Variants in BABAM2 observed in about 807,000 individuals in gnomAD.
The protein encoded by BABAM2 is BRISC and BRCA1-A complex member 2.
In BABAM2, 31 loss-of-function variants were observed where a neutral mutation model predicts 54.7. The ratio of observed to expected loss-of-function variants is 0.57; its 90% CI spans 0.43 to 0.77. BABAM2 has a LOEUF of 0.77. Among genes scored for constraint, BABAM2 ranks in the 30% least tolerant of loss-of-function variants. BABAM2 has a pLI of 0.00. For synonymous variants in BABAM2, 167 were observed against 162.9 expected (o/e 1.03, Z -0.19); for missense variants, 364 against 455.8 (o/e 0.80, Z 1.83).
intron 11 of BABAM2, among the ~76,000 whole-genome samples, chr2:28,301,297 C>G (rs1688090963): frequency 6.6e-6 from 1 of 152,216 alleles, no homozygotes; most frequent in African/African-American, 2.4e-5. Flanking sequence ...AGGACACTTC[C>G]TGGCACTGAC....
At chr2:28,101,651 TG>T (rs1307483327) in intron 6 of BABAM2, among the ~76,000 whole-genome samples, 1 of 152,194 alleles carries the variant, frequency 6.6e-6, no homozygotes. Context: ...GCCATACAGT[TG>T]TGTTGATTTT....
At chr2:28,017,882 G>T (rs940120411) in intron 4 of BABAM2, among the ~76,000 whole-genome samples, 6 of 152,210 alleles carry the variant, frequency 3.9e-5, no homozygotes, top group African/African-American at 1.4e-4. Context: ...TTGTATGTGT[G>T]TACACATTGT....
intron 3 of BABAM2, among the ~76,000 whole-genome samples, chr2:27,984,822 T>C (rs1354614954): frequency 6.6e-6 from 1 of 151,886 alleles, no homozygotes; most frequent in East Asian, 1.9e-4. Context: ...GTACTCAGTG[T>C]GTAGTCTTTT....
intron 4 of BABAM2, among the ~76,000 whole-genome samples, chr2:28,012,662 G>A (rs182339339): frequency 3.9e-5 from 6 of 152,260 alleles, no homozygotes; most frequent in African/African-American, 1.4e-4. Context: ...AATAATTTCA[G>A]TGTTCTTGGC....
chr2:28,248,460 C>A (rs1008175028), intron 10 of BABAM2, among the ~76,000 whole-genome samples: 1 of 152,062 alleles, frequency 6.6e-6, no homozygotes, highest in African/African-American at 2.4e-5. Context: ...CCACCTGCCT[C>A]AGCTTCCCAA....
At chr2:28,282,997 CAAAAAAAAAAA>C (rs370484850) in intron 10 of BABAM2, among the ~76,000 whole-genome samples, 4 of 71,940 alleles carry the variant, frequency 5.6e-5, no homozygotes, top group Non-Finnish European at 7.3e-5. Context: ...GACTCCGTCC[CAAAAAAAAAAA>C]AAAAAAAAAA....
chr2:28,114,691 G>A (rs1181582950), intron 6 of BABAM2, among the ~76,000 whole-genome samples: 1 of 152,128 alleles, frequency 6.6e-6, no homozygotes, highest in Non-Finnish European at 1.5e-5. Flanking sequence ...TCTAGTTTTA[G>A]GAGATCCGAT....
In BABAM2 at chr2:27,968,116, A is replaced by G. The variant is rs866848229; in HGVS notation, c.206-19877A>G. Among the ~76,000 whole-genome samples, 6 of 152,352 alleles carry G rather than the reference A, an allele frequency of 3.9e-5. 1 individual carries two copies. Among genetic ancestry groups the G allele is most frequent in the Middle Eastern group, 6.8e-3 (2 of 294 alleles). ...TCAAGACAGTAGGGAAAATGTCTCC[A>G]GGGCAGGTCAGAGGTCTTTACAGCA... On this transcript the variant is annotated intron_variant, in intron 3 of 11. Transcript: ENST00000379624.
At chr2:28,112,222 C>T (rs1410858514) in intron 6 of BABAM2, among the ~76,000 whole-genome samples, 96 of 122,830 alleles carry the variant, frequency 7.8e-4, no homozygotes, top group East Asian at 1.6e-3. Flanking sequence ...TTCCTTCCTT[C>T]CTTCCTTTAA....
At chr2:28,000,907 A>G (rs961794090) in intron 4 of BABAM2, among the ~76,000 whole-genome samples, 1 of 151,508 alleles carries the variant, frequency 6.6e-6, no homozygotes, top group African/African-American at 2.4e-5. Flanking sequence ...TTTTTGTGGC[A>G]TTTTCTTACT....
rs149107795 is a variant in BABAM2, at chr2:28,011,174, C to T, written c.301-14052C>T. Among the ~76,000 whole-genome samples the T allele has an allele frequency of 1.5e-3, 225 of 152,140 alleles. 5 individuals carry two copies. In the South Asian group the frequency reaches 0.04, roughly 27 times the overall value. Reference sequence around the variant, plus strand: ...CAGCAAGAGGGGAATGGATGTTGGACGTGAAACAATGGATGTTTACTAAAT... The same window carrying T: ...CAGCAAGAGGGGAATGGATGTTGGATGTGAAACAATGGATGTTTACTAAAT... On this transcript the variant is annotated intron_variant, in intron 4 of 11. Coordinates refer to ENST00000379624, the MANE Select transcript of BABAM2 (RefSeq NM_199191.3).
chr2:27,987,972 T>C, intron 3 of BABAM2, 21 bp from the exon 4 acceptor site: 1 of 1,567,056 alleles, frequency 6.4e-7, no homozygotes, highest in Non-Finnish European at 8.8e-7. Flanking sequence ...AAAAAGGACC[T>C]GTCATTTTCT....
intron 6 of BABAM2, among the ~76,000 whole-genome samples, chr2:28,070,705 C>T (rs1250817327): frequency 1.3e-5 from 2 of 152,136 alleles, no homozygotes; most frequent in African/African-American, 2.4e-5. Context: ...TCAATCTTAA[C>T]TTGTCAACAA....
chr2:28,301,707 C>T (rs1161750351), intron 11 of BABAM2, among the ~76,000 whole-genome samples: 1 of 152,178 alleles, frequency 6.6e-6, no homozygotes, highest in East Asian at 1.9e-4. Flanking sequence ...CTCTACTTTG[C>T]CAGCAGCTCT....
chr2:28,275,335 G>A (rs1685787335), intron 10 of BABAM2, among the ~76,000 whole-genome samples: 1 of 152,228 alleles, frequency 6.6e-6, no homozygotes, highest in Non-Finnish European at 1.5e-5. Context: ...CTTTGACTGA[G>A]GCTAGAGTGT....
intron 4 of BABAM2, among the ~76,000 whole-genome samples, chr2:28,021,988 T>C (rs533338909): frequency 9.3e-4 from 141 of 152,276 alleles, no homozygotes; most frequent in African/African-American, 3.3e-3. Context: ...GGAACCGGAA[T>C]TGAGGGTGAG....
intron 3 of BABAM2, among the ~76,000 whole-genome samples, chr2:27,958,465 TTA>T (rs10559599): frequency 0.22 from 32,125 of 149,268 alleles, 4,285 homozygotes; most frequent in East Asian, 0.61. Flanking sequence ...TTTATATATT[TTA>T]TATATATACA....
At chr2:28,202,348 T>TC (rs1424341241) in intron 7 of BABAM2, among the ~76,000 whole-genome samples, 4 of 151,806 alleles carry the variant, frequency 2.6e-5, no homozygotes, top group African/African-American at 4.8e-5. Flanking sequence ...TCCCATTGAG[T>TC]CCCCCCTTCC....
chr2:28,127,122 G>T (rs1669619562), intron 6 of BABAM2, among the ~76,000 whole-genome samples: 1 of 152,066 alleles, frequency 6.6e-6, no homozygotes, highest in Non-Finnish European at 1.5e-5. Context: ...TTCTTTTGCT[G>T]TGCAGAAGCT....
Sources: allele counts gnomAD v4.1 joint callset (sites outside exome capture counted in the v4.1 genomes callset), GRCh38; gene constraint gnomAD v4.1.1; transcripts MANE v1.5; gene names NCBI Gene and HGNC (gene_info 2026-07-23, HGNC 2026-07-21).